The following BCO2 variants were observed in gnomAD, a reference collection of about 807,000 sequenced individuals.
The protein encoded by BCO2 is beta-carotene oxygenase 2, also known as carotenoid-cleaving dioxygenase, mitochondrial.
A neutral mutation model predicts 65.8 loss-of-function variants in BCO2; 56 were observed. That is an observed-to-expected ratio of 0.85 (90% confidence interval 0.69 to 1.06). BCO2 has a LOEUF of 1.06. Among genes scored for constraint, BCO2 ranks in the 50% least tolerant of loss-of-function variants. BCO2 has a pLI of 0.00. For synonymous variants in BCO2, 233 were observed against 242.3 expected (o/e 0.96, Z 0.36); for missense variants, 675 against 698.5 (o/e 0.97, Z 0.38).
At chr11:112,182,859 A>G in intron 2 of BCO2, 1 of 975,144 alleles carries the variant, frequency 1.0e-6, no homozygotes, top group Non-Finnish European at 1.6e-6. Context: ...ATATAAAAAG[A>G]TGCTCTGTTC....
intron 2 of BCO2, chr11:112,181,930 A>G: frequency 1.6e-6 from 1 of 610,178 alleles, no homozygotes. Flanking sequence ...TGTTAATGGG[A>G]GAAAATTTTT....
chr11:112,200,739 C>T lies in BCO2; in HGVS notation c.992C>T (p.Thr331Met), dbSNP rs141269805. ...DGISWEPQCN[T>M]RFHVVEKRTG... ...ATAAGCTGGGAACCCCAGTGTAATACGCGGTTTCATGTGGTGGAAAAACGC... is the reference window on the plus strand; with the variant it reads ...ATAAGCTGGGAACCCCAGTGTAATATGCGGTTTCATGTGGTGGAAAAACGC... The change falls in exon 7 of 12, where the codon ACG (threonine) becomes ATG (methionine). Residue 331 changes from threonine to methionine, a missense_variant. Transcript: ENST00000357685. The T allele has an allele frequency of 2.6e-5, 42 of 1,613,724 alleles. No homozygotes were observed. Among genetic ancestry groups the T allele is most frequent in the African/African-American group, 2.5e-4 (19 of 74,898 alleles).
chr11:112,213,103 A>G (rs1259419138), intron 8 of BCO2, among the ~76,000 whole-genome samples: 1 of 99,844 alleles, frequency 1.0e-5, no homozygotes, highest in African/African-American at 3.9e-5. Context: ...TTATATAATC[A>G]TTTGTTTATT....
Position 112,193,645 on chromosome 11 carries a change from G to T in BCO2, c.465G>T (p.Lys155Asn). Residue 155 changes from lysine (K) to asparagine (N), a missense_variant, in exon 3 of 12, where the codon AAG becomes AAT. By Grantham distance (94) the Lys-to-Asn change is moderately conservative. Coordinates refer to ENST00000357685, the MANE Select transcript of BCO2 (RefSeq NM_031938.7). ...FGTLALPDPC[K>N]NVFERFMSRF... ...CACTGGCTCTCCCGGATCCATGCAA[G>T]AATGTTTTTGAACGTTTCATGTCCA... 6.2e-7 allele frequency: 1 copy of T among 1,614,174 alleles called. No homozygotes were observed. Among genetic ancestry groups the T allele is most frequent in the Non-Finnish European group, 8.5e-7 (1 of 1,180,018 alleles).
intron 2 of BCO2, chr11:112,183,003 G>T: frequency 2.8e-6 from 3 of 1,066,426 alleles, no homozygotes; most frequent in Non-Finnish European, 4.4e-6. Flanking sequence ...CCTGAGGGTG[G>T]CTACATTAAA....
intron 5 of BCO2, 91 bp from the exon 6 acceptor site, chr11:112,199,608 T>G: frequency 8.6e-7 from 1 of 1,159,726 alleles, no homozygotes. Context: ...ATAAATCTCT[T>G]AATTGCTTTT....
At chr11:112,188,712 A>T (rs919044962) in intron 2 of BCO2, among the ~76,000 whole-genome samples, 62 of 149,952 alleles carry the variant, frequency 4.1e-4, no homozygotes, top group Non-Finnish European at 7.1e-4. Flanking sequence ...CCTTTCCCTG[A>T]TTCCCCCAGC....
intron 5 of BCO2, among the ~76,000 whole-genome samples, chr11:112,197,343 G>A (rs963100042): frequency 3.3e-5 from 5 of 152,044 alleles, no homozygotes; most frequent in Non-Finnish European, 5.9e-5. Flanking sequence ...GAGCTCACGA[G>A]TTGAGACCAG....
chr11:112,200,840 A>ATG, intron 7 of BCO2, 67 bp downstream of exon 7: 1 of 1,533,282 alleles, frequency 6.5e-7, no homozygotes, highest in Non-Finnish European at 8.9e-7. Context: ...CATATAGTTG[A>ATG]TTTTTTAAAA....
chr11:112,176,925 C>T (rs1031269844), intron 1 of BCO2, among the ~76,000 whole-genome samples: 5 of 152,030 alleles, frequency 3.3e-5, no homozygotes, highest in Admixed American at 1.3e-4. Context: ...TCAGAAGCTA[C>T]GAATAGAAAG....
At chr11:112,198,074 T>G (rs867134887) in intron 5 of BCO2, among the ~76,000 whole-genome samples, 1 of 152,270 alleles carries the variant, frequency 6.6e-6, no homozygotes. Flanking sequence ...TCCTTATTCC[T>G]TGGCTTATTT....
In BCO2 at chr11:112,208,957, C is replaced by CA. The variant is rs369497393; in HGVS notation, c.1195-4758dup. On this transcript the variant is annotated intron_variant, in intron 8 of 11. Transcript: ENST00000357685. ...AATTACCTTTACAATAAAGGACTTCCAAAAAAAAATAGACTGTTTTTTAGA... is the reference window on the plus strand; with the variant it reads ...AATTACCTTTACAATAAAGGACTTCCAAAAAAAAAATAGACTGTTTTTTAGA... 9.7e-4 allele frequency: 146 copies of CA among 150,284 alleles called. 1 individual carries two copies. Among genetic ancestry groups the CA allele is most frequent in the East Asian group, 2.3e-3 (12 of 5,122 alleles). 9.3% of individuals were successfully genotyped at this position (150,284 alleles called of 1,614,324 possible). A position where few individuals can be genotyped will look rare whatever the true frequency, so the allele number is the denominator to read the frequency against.
At chr11:112,177,792 C>T in intron 1 of BCO2, among the ~76,000 whole-genome samples, 1 of 152,030 alleles carries the variant, frequency 6.6e-6, no homozygotes, top group East Asian at 1.9e-4. Context: ...TATTTGAAAC[C>T]AACCAGTCTG....
At chr11:112,191,879 A>T (rs1299561791) in intron 2 of BCO2, among the ~76,000 whole-genome samples, 1 of 152,110 alleles carries the variant, frequency 6.6e-6, no homozygotes, top group African/African-American at 2.4e-5. Flanking sequence ...TTAAAGAAGG[A>T]CTTTTTCTTT....
At position 112,179,338 on chromosome 11, in the gene BCO2, G is replaced by C. The variant is rs986937847; in HGVS notation, c.149G>C (p.Gly50Ala). Residue 50 changes from glycine to alanine, a missense_variant, in exon 2 of 12, where the codon GGT (glycine) becomes GCT (alanine). Coordinates refer to ENST00000357685, the MANE Select transcript of BCO2 (RefSeq NM_031938.7). The part of the protein sequence containing the change: ...QKKAVFGQCR[G>A]LPCVAPLLTT... ...AAAGCCGTCTTTGGGCAGTGTCGGG[G>C]TCTGCCATGTGTTGCACCGCTGCTG... 1 of 1,614,188 alleles carries C rather than the reference G, an allele frequency of 6.2e-7. No individual in the cohort carries two copies. The highest frequency in any genetic ancestry group is 8.5e-7 in the Non-Finnish European group (1 of 1,180,028).
intron 8 of BCO2, among the ~76,000 whole-genome samples, chr11:112,213,386 G>A (rs71466729): frequency 0.2 from 29,691 of 151,614 alleles, 3,866 homozygotes; most frequent in Non-Finnish European, 0.28. Flanking sequence ...CAGGTGATCC[G>A]CCTGCCTTGG....
chr11:112,186,738 T>A (rs1479052699), intron 2 of BCO2, among the ~76,000 whole-genome samples: 1 of 152,168 alleles, frequency 6.6e-6, no homozygotes. Context: ...ACACCTATAA[T>A]CACAGTGCTT....
intron 1 of BCO2, among the ~76,000 whole-genome samples, chr11:112,177,813 G>C (rs1366637876): frequency 2.0e-5 from 3 of 151,880 alleles, no homozygotes; most frequent in African/African-American, 7.3e-5. Context: ...GAGCCAGGTA[G>C]AGCCCCAGCT....
At chr11:112,186,998 C>G (rs1348819685) in intron 2 of BCO2, among the ~76,000 whole-genome samples, 3 of 152,170 alleles carry the variant, frequency 2.0e-5, no homozygotes, top group Non-Finnish European at 4.4e-5. Context: ...TTGTCCCCCT[C>G]CATGCCACTT....
Sources: gnomAD v4.1 joint callset for allele counts (sites outside exome capture counted in the v4.1 genomes callset) on GRCh38, gnomAD v4.1.1 for gene constraint, MANE v1.5 for transcripts, NCBI Gene and HGNC (gene_info 2026-07-23, HGNC 2026-07-21) for gene names.